Variants in UTP4 observed in about 807,000 individuals in gnomAD.
UTP4 encodes the protein UTP4 small subunit processome component, also known as U3 small nucleolar RNA-associated protein 4 homolog.
In UTP4, 45 loss-of-function variants were observed where a neutral mutation model predicts 82.4. The observed-to-expected ratio is 0.55, with a 90% CI of 0.43 to 0.70. UTP4 has a LOEUF of 0.70. Among genes scored for constraint, UTP4 ranks in the 30% least tolerant of loss-of-function variants. The pLI, the probability that UTP4 is intolerant of heterozygous loss-of-function variation, is 0.00. For missense variants in UTP4, 819 were observed against 858.3 expected, an observed-to-expected ratio of 0.95 and a Z score of 0.57; for synonymous variants, 348 against 300.3, an observed-to-expected ratio of 1.16 and a Z score of -1.64.
intron 3 of UTP4, 84 bp downstream of exon 3, chr16:69,136,971 A>G: frequency 8.4e-7 from 1 of 1,187,504 alleles, no homozygotes; most frequent in Non-Finnish European, 1.3e-6. Flanking sequence ...TAGGAGAGTA[A>G]CGATATATTA....
chr16:69,159,698 A>G (rs1414921730), intron 12 of UTP4, among the ~76,000 whole-genome samples: 1 of 151,648 alleles, frequency 6.6e-6, no homozygotes, highest in Non-Finnish European at 1.5e-5. Context: ...AAAAAGAAAA[A>G]AGAAAGAGGC....
Position 69,165,406 on chromosome 16 carries a change from C to T in UTP4, c.1713C>T (p.Gly571=). The change falls in exon 15 of 17, where the codon GGC becomes GGT. Residue 571 remains glycine (G), a synonymous_variant. Coordinates refer to ENST00000314423, the MANE Select transcript of UTP4 (RefSeq NM_032830.3). ...GGAGCCGGACTGTCCAGAAGCAGGGCTTTCACCACCTTTGGCTCCAAAGGG... is the reference window on the plus strand; with the variant it reads ...GGAGCCGGACTGTCCAGAAGCAGGGTTTTCACCACCTTTGGCTCCAAAGGG... ...TDWSRTVQKQ[G]FHHLWLQRDT... is the part of the protein sequence containing the mutation. 6.2e-7 allele frequency: 1 copy of T among 1,614,056 alleles called. No individual in the cohort carries two copies.
intron 4 of UTP4, 160 bp downstream of exon 4, chr16:69,138,045 C>A (rs1597133386): frequency 1.5e-6 from 1 of 645,582 alleles, no homozygotes; most frequent in South Asian, 1.8e-5. Context: ...CCAGGCTTTA[C>A]CCATTGTATA....
chr16:69,136,831 G>T lies in UTP4; in HGVS notation c.295G>T (p.Ala99Ser). The T allele has an allele frequency of 2.5e-6, 4 of 1,614,200 alleles. No individual in the cohort carries two copies. Among genetic ancestry groups the T allele is most frequent in the Non-Finnish European group, 3.4e-6 (4 of 1,180,028 alleles). Residue 99 changes from alanine to serine, a missense_variant, in exon 3 of 17, where the codon GCC (alanine) becomes TCC (serine). By Grantham distance (99) the Ala-to-Ser change is moderately conservative. Transcript: ENST00000314423. The stretch of plus-strand genomic sequence containing the variant: ...GTTAAACATCAAGTATGCTATGGAT[G>T]CCTTTGGAGGACCTATTTGGAGCAT... The part of the protein sequence containing the change: ...QALNIKYAMD[A>S]FGGPIWSMAA...
chr16:69,154,586 A>ACTGTGTC (rs2152281441), intron 10 of UTP4, 129 bp downstream of exon 10: 7 of 757,330 alleles, frequency 9.2e-6, no homozygotes, highest in Non-Finnish European at 1.6e-5. Flanking sequence ...TGAATGAAGG[A>ACTGTGTC]CTGTGTCACC....
Position 69,143,263 on chromosome 16 carries a change from G to A in UTP4, c.612G>A (p.Leu204=). The A allele has an allele frequency of 6.2e-7, 1 of 1,614,228 alleles. No individual in the cohort carries two copies. The change falls in exon 6 of 17, where the codon TTG becomes TTA. Residue 204 remains leucine, a synonymous_variant. Coordinates refer to ENST00000314423, the MANE Select transcript of UTP4 (RefSeq NM_032830.3). ...GCATCGTGTGGGGTGTCGCCTTCTTGTCCGATGGCACTATCATAAGTGTGG... is the reference window on the plus strand; with the variant it reads ...GCATCGTGTGGGGTGTCGCCTTCTTATCCGATGGCACTATCATAAGTGTGG... ...RKCIVWGVAF[L]SDGTIISVDS...
At chr16:69,150,399 G>C (rs1597142733) in intron 6 of UTP4, 138 bp from the exon 7 acceptor site, 1 of 977,636 alleles carries the variant, frequency 1.0e-6, no homozygotes, top group East Asian at 2.4e-5. Context: ...CTTCTGGAAG[G>C]AAAAGACCCT....
chr16:69,154,385 T>C lies in UTP4; in HGVS notation c.1100-8T>C, dbSNP rs1312192295. 1.9e-6 allele frequency: 3 copies of C among 1,606,496 alleles called. No individual in the cohort carries two copies. The highest frequency in any genetic ancestry group is 2.2e-5 in the East Asian group (1 of 44,796). ...TAAGAAAAATCTCAGGGAAGTTTCTTGTTTCAGGCAAGAATGGGGATACTC... is the reference window on the plus strand; with the variant it reads ...TAAGAAAAATCTCAGGGAAGTTTCTCGTTTCAGGCAAGAATGGGGATACTC... On this transcript the variant is annotated splice_polypyrimidine_tract_variant and splice_region_variant and intron_variant, in intron 9 of 16. Transcript: ENST00000314423.
At chr16:69,147,001 C>CAAAAAAAA (rs71148965) in intron 6 of UTP4, among the ~76,000 whole-genome samples, 7 of 85,782 alleles carry the variant, frequency 8.2e-5, no homozygotes, top group Non-Finnish European at 1.6e-4. Context: ...GACTCTGCCT[C>CAAAAAAAA]AAAAAAAAAA....
At chr16:69,149,934 G>T (rs1445772442) in intron 6 of UTP4, among the ~76,000 whole-genome samples, 1 of 151,834 alleles carries the variant, frequency 6.6e-6, no homozygotes, top group African/African-American at 2.4e-5. Context: ...CACCATGTTG[G>T]CCAGGCTGGT....
Position 69,160,412 on chromosome 16 carries a change from G to A in UTP4, c.1501G>A (p.Ala501Thr), listed in dbSNP as rs1309491914. Residue 501 changes from alanine (A) to threonine (T), a missense_variant, in exon 13 of 17, where the codon GCA becomes ACA. Coordinates refer to ENST00000314423, the MANE Select transcript of UTP4 (RefSeq NM_032830.3). ...AVSPDGNWLAASGTSAGVHVY... is the reference protein window; with the variant it reads ...AVSPDGNWLATSGTSAGVHVY... ...CAGTCCAGATGGGAATTGGCTAGCT[G>A]CATCAGGTACCAGTGCTGGAGTCCA... 6.2e-7 allele frequency: 1 copy of A among 1,614,106 alleles called. No homozygotes were observed. Among genetic ancestry groups the A allele is most frequent in the South Asian group, 1.1e-5 (1 of 91,078 alleles).
At chr16:69,155,622 T>C (rs952295234) in intron 10 of UTP4, among the ~76,000 whole-genome samples, 6 of 152,206 alleles carry the variant, frequency 3.9e-5, no homozygotes, top group African/African-American at 1.4e-4. Context: ...AGTATGAGGC[T>C]ATCTATGAAG....
At chr16:69,154,068 G>T (rs889030482) in intron 9 of UTP4, among the ~76,000 whole-genome samples, 1 of 152,102 alleles carries the variant, frequency 6.6e-6, no homozygotes, top group Admixed American at 6.6e-5. Context: ...CAGCCTAGTG[G>T]CCTTTTTGAC....
chr16:69,146,272 C>T (rs1292270053), intron 6 of UTP4, among the ~76,000 whole-genome samples: 1 of 152,106 alleles, frequency 6.6e-6, no homozygotes, highest in African/African-American at 2.4e-5. Flanking sequence ...AGAATTTTTT[C>T]ATCACCACAA....
intron 13 of UTP4, among the ~76,000 whole-genome samples, chr16:69,160,961 C>T (rs756242138): frequency 1.7e-4 from 26 of 152,160 alleles, no homozygotes; most frequent in Middle Eastern, 3.4e-3. Context: ...TTATGGAACC[C>T]GGAAGCTATA....
Position 69,160,560 on chromosome 16 carries a change from A to G in UTP4, c.1551+98A>G, listed in dbSNP as rs182186333. 556 of 854,834 alleles carry G rather than the reference A, an allele frequency of 6.5e-4. 6 individuals carry two copies. In the Admixed American group the frequency reaches 9.6e-3, roughly 15 times the overall value. 53.0% of individuals were successfully genotyped at this position (854,834 alleles called of 1,614,324 possible). A position where few individuals can be genotyped will look rare whatever the true frequency, so the allele number is the denominator to read the frequency against. The stretch of plus-strand genomic sequence containing the variant: ...CAAGGCAGATTGGCATGACCTGGAA[A>G]TTTATTAGACTTTTTTCTTTTTATT... On this transcript the variant is annotated intron_variant, in intron 13 of 16. Transcript: ENST00000314423.
At chr16:69,133,375 A>G (rs1473482351) in intron 1 of UTP4, 83 bp from the exon 2 acceptor site, 1 of 1,360,380 alleles carries the variant, frequency 7.4e-7, no homozygotes, top group African/African-American at 1.4e-5. Context: ...TCCAGCCAGA[A>G]CAGTGATATT....
At chr16:69,160,492 G>A (rs1212559416) in intron 13 of UTP4, 30 bp downstream of exon 13, 1 of 1,542,768 alleles carries the variant, frequency 6.5e-7, no homozygotes, top group Non-Finnish European at 9.0e-7. Context: ...GCAGCAGTTT[G>A]AATCATTGTA....
intron 8 of UTP4, among the ~76,000 whole-genome samples, chr16:69,151,404 C>T (rs1314669658): frequency 6.6e-6 from 1 of 150,994 alleles, no homozygotes; most frequent in South Asian, 2.1e-4. Context: ...TCACTGCAAG[C>T]TCCGCCTCCC....
Sources: allele counts gnomAD v4.1 joint callset (sites outside exome capture counted in the v4.1 genomes callset), GRCh38; gene constraint gnomAD v4.1.1; transcripts MANE v1.5; gene names NCBI Gene and HGNC (gene_info 2026-07-23, HGNC 2026-07-21).